Variants in AGAP1 observed in about 807,000 individuals in gnomAD.
AGAP1 encodes the protein ArfGAP with GTPase domain, ankyrin repeat and PH domain 1, also known as arf-GAP with GTPase, ANK repeat and PH domain-containing protein 1.
AGAP1 carries 29 observed loss-of-function variants against 105.3 expected under a neutral mutation model. The ratio of observed to expected loss-of-function variants is 0.28; its 90% CI spans 0.21 to 0.38. The LOEUF (loss-of-function observed/expected upper bound fraction) is 0.38. AGAP1 is among the 10% of genes least tolerant of loss of function. The pLI is 1.00. For synonymous variants in AGAP1, 509 were observed against 485.9 expected, an observed-to-expected ratio of 1.05 and a Z score of -0.63; for missense variants, 998 against 1,165.1, an observed-to-expected ratio of 0.86 and a Z score of 2.09.
intron 6 of AGAP1, among the ~76,000 whole-genome samples, chr2:235,785,957 G>A (rs1004070955): frequency 6.6e-6 from 1 of 152,194 alleles, no homozygotes; most frequent in Non-Finnish European, 1.5e-5. Context: ...GCCTGGCGTG[G>A]AAGAGTGTTG....
intron 1 of AGAP1, among the ~76,000 whole-genome samples, chr2:235,651,383 C>G (rs1947588351): frequency 6.6e-6 from 1 of 151,802 alleles, no homozygotes; most frequent in South Asian, 2.1e-4. Flanking sequence ...TTGACATACT[C>G]CAGTCCTCAT....
intron 9 of AGAP1, among the ~76,000 whole-genome samples, chr2:235,844,301 G>A (rs1169706279): frequency 1.3e-5 from 2 of 152,168 alleles, no homozygotes; most frequent in Non-Finnish European, 2.9e-5. Flanking sequence ...TTTGGAGGGG[G>A]CAAGGGTCTG....
chr2:236,071,176 T>C (rs2058485549), intron 16 of AGAP1, among the ~76,000 whole-genome samples: 1 of 152,230 alleles, frequency 6.6e-6, no homozygotes, highest in Non-Finnish European at 1.5e-5. Context: ...ATCAGTGGCC[T>C]TAGCCCCGAA....
intron 12 of AGAP1, among the ~76,000 whole-genome samples, chr2:235,952,789 A>G (rs533163026): frequency 6.6e-6 from 1 of 152,028 alleles, no homozygotes; most frequent in Middle Eastern, 3.2e-3. Context: ...GAGCCTCACC[A>G]TCCTGGTGGT....
intron 16 of AGAP1, among the ~76,000 whole-genome samples, chr2:236,060,157 A>G (rs1189447611): frequency 1.3e-5 from 2 of 152,248 alleles, no homozygotes; most frequent in Non-Finnish European, 2.9e-5. Flanking sequence ...AACTGAAACT[A>G]TAAAACTTTT....
In AGAP1 at chr2:235,660,188, T is replaced by C. The variant is rs1217569581; in HGVS notation, c.164-48991T>C. Among the ~76,000 whole-genome samples the C allele has an allele frequency of 1.3e-5, 2 of 152,078 alleles. No homozygotes were observed. The highest frequency in any genetic ancestry group is 4.8e-5 in the African/African-American group (2 of 41,418). Reference sequence around the variant, plus strand: ...ACCCAAGATCAGCTGCGGCTGAGGATTTTTGTGGCTAGGGGAAGAAGTGAA... The same window carrying C: ...ACCCAAGATCAGCTGCGGCTGAGGACTTTTGTGGCTAGGGGAAGAAGTGAA... On this transcript the variant is annotated intron_variant, in intron 1 of 17. Transcript: ENST00000304032. This position sits in a 1 kb window ranked among gnomAD's most constrained non-coding sequence, Gnocchi z 5.3.
intron 1 of AGAP1, among the ~76,000 whole-genome samples, chr2:235,525,495 A>C (rs1482238114): frequency 1.3e-5 from 2 of 151,022 alleles, no homozygotes; most frequent in Non-Finnish European, 2.9e-5. Flanking sequence ...TGGAGGACTG[A>C]TACATAATGT....
intron 6 of AGAP1, chr2:235,774,333 G>GGT (rs1287851462): frequency 6.4e-6 from 3 of 470,384 alleles, no homozygotes; most frequent in South Asian, 4.7e-5. Context: ...GGAAGATAGA[G>GGT]GTGCTGCTGC....
chr2:235,591,012 C>T (rs1229521357), intron 1 of AGAP1, among the ~76,000 whole-genome samples: 1 of 149,920 alleles, frequency 6.7e-6, no homozygotes, highest in Non-Finnish European at 1.5e-5. Flanking sequence ...TGAGCCACCG[C>T]CCGGCCTATA....
At chr2:236,010,179 A>AT (rs2056462178) in intron 13 of AGAP1, among the ~76,000 whole-genome samples, 1 of 152,194 alleles carries the variant, frequency 6.6e-6, no homozygotes, top group South Asian at 2.1e-4. Flanking sequence ...CAAAATAAAA[A>AT]TTTAAGTTCC....
chr2:235,830,986 C>T lies in AGAP1; in HGVS notation c.1050+23655C>T, dbSNP rs957776068. Among the ~76,000 whole-genome samples, 36 of 152,096 alleles carry T rather than the reference C, an allele frequency of 2.4e-4. No individual in the cohort carries two copies. The highest frequency in any genetic ancestry group is 7.7e-4 in the African/African-American group (32 of 41,474). ...CTCACCTGTGTGTCGCAGGTGTAGG[C>T]GATACCTGGGAAGCCGTTGTACGGG... On this transcript the variant is annotated intron_variant, in intron 9 of 17. Coordinates refer to ENST00000304032, the MANE Select transcript of AGAP1 (RefSeq NM_001037131.3). This position sits in a 1 kb window ranked among gnomAD's most constrained non-coding sequence, Gnocchi z 5.5.
Position 235,630,729 on chromosome 2 carries a change from G to A in AGAP1, c.164-78450G>A, listed in dbSNP as rs184455774. Among the ~76,000 whole-genome samples the A allele has an allele frequency of 2.3e-3, 345 of 152,266 alleles. 1 individual carries two copies. The highest frequency in any genetic ancestry group is 4.0e-3 in the Non-Finnish European group (272 of 68,034). ...CCTTCTCTGCCCTGGTGTGCCCCTC[G>A]GCTCGCCACTGGCTTAGGTGCAGGT... On this transcript the variant is annotated intron_variant, in intron 1 of 17. Transcript: ENST00000304032.
At position 236,056,055 on chromosome 2, in the gene AGAP1, T is replaced by G. The variant is rs2058043454; in HGVS notation, c.2114+6774T>G. Among the ~76,000 whole-genome samples, 1 of 152,230 alleles carries G rather than the reference T, an allele frequency of 6.6e-6. No individual in the cohort carries two copies. On this transcript the variant is annotated intron_variant, in intron 16 of 17. Coordinates refer to ENST00000304032, the MANE Select transcript of AGAP1 (RefSeq NM_001037131.3). The surrounding 1 kb of genome is among the most constrained non-coding windows in gnomAD (Gnocchi z 4.6). Reference sequence around the variant, plus strand: ...ACAACAGATAGAGCAATGCATCTAGTGAACCTCCACCAGGGAGCTTGGTGG... The same window carrying G: ...ACAACAGATAGAGCAATGCATCTAGGGAACCTCCACCAGGGAGCTTGGTGG...
Position 236,087,181 on chromosome 2 carries a change from G to T in AGAP1, c.2115-33011G>T, listed in dbSNP as rs2058951496. Among the ~76,000 whole-genome samples the T allele has an allele frequency of 6.6e-6, 1 of 152,140 alleles. No homozygotes were observed. Among genetic ancestry groups the T allele is most frequent in the Non-Finnish European group, 1.5e-5 (1 of 68,036 alleles). On this transcript the variant is annotated intron_variant, in intron 16 of 17. Transcript: ENST00000304032. The surrounding 1 kb of genome is among the most constrained non-coding windows in gnomAD (Gnocchi z 5.7). ...CTGGGAATCCAATAAATTGTTTCAG[G>T]AAGTGAAAGTCTGTCCAGGCTAATG... is the stretch of plus-strand genomic sequence containing the variant.
In AGAP1 at chr2:235,931,331, A is replaced by G. The variant is rs1229573234; in HGVS notation, c.1483+408A>G. ...CCACCACTAGTGCACATTTTATATC[A>G]TTAGGGTGAATTCAGTCTCCTTGTC... is the stretch of plus-strand genomic sequence containing the variant. On this transcript the variant is annotated intron_variant, in intron 12 of 17. Coordinates refer to ENST00000304032, the MANE Select transcript of AGAP1 (RefSeq NM_001037131.3). This position sits in a 1 kb window ranked among gnomAD's most constrained non-coding sequence, Gnocchi z 5.6. Among the ~76,000 whole-genome samples the G allele has an allele frequency of 6.6e-6, 1 of 151,956 alleles. No homozygotes were observed.
rs146120613 is a variant in AGAP1 at position 235,830,249 on chromosome 2, C to T, written c.1050+22918C>T. Among the ~76,000 whole-genome samples the T allele has an allele frequency of 6.9e-4, 105 of 152,234 alleles. 1 individual carries two copies. The East Asian group carries it at 0.016, about 24-fold the overall frequency. ...CACCAGTGGGCCAGGCTACAGTCAC[C>T]GTTTGAGTGCCCGTGGAGGATTGGT... On this transcript the variant is annotated intron_variant, in intron 9 of 17. Coordinates refer to ENST00000304032, the MANE Select transcript of AGAP1 (RefSeq NM_001037131.3). The surrounding 1 kb of genome is among the most constrained non-coding windows in gnomAD (Gnocchi z 5.5).
Position 235,712,788 on chromosome 2 carries a change from C to T in AGAP1, c.222+3551C>T, listed in dbSNP as rs1252595218. 6.6e-6 allele frequency among the ~76,000 whole-genome samples: 1 copy of T among 152,230 alleles called. No homozygotes were observed. Among genetic ancestry groups the T allele is most frequent in the South Asian group, 2.1e-4 (1 of 4,830 alleles). On this transcript the variant is annotated intron_variant, in intron 2 of 17. Coordinates refer to ENST00000304032, the MANE Select transcript of AGAP1 (RefSeq NM_001037131.3). The surrounding 1 kb of genome is among the most constrained non-coding windows in gnomAD (Gnocchi z 6.0). ...ATTTTCAAGACACCTCATTCCTCCT[C>T]ATGTAGCTCTTTGGCTCGCTCTGGA...
chr2:236,100,785 G>A lies in AGAP1; in HGVS notation c.2115-19407G>A, dbSNP rs986454721. Among the ~76,000 whole-genome samples the A allele has an allele frequency of 2.6e-5, 4 of 151,194 alleles. No homozygotes were observed. The South Asian group carries it at 6.3e-4, about 24-fold the overall frequency. ...GCGGAGGCTGCAGTGAGCCGAGATC[G>A]TGTCACTGCACTCCACCCTGGGCAA... On this transcript the variant is annotated intron_variant, in intron 16 of 17. Transcript: ENST00000304032.
intron 12 of AGAP1, among the ~76,000 whole-genome samples, chr2:235,952,173 A>G (rs912937813): frequency 6.6e-6 from 1 of 152,136 alleles, no homozygotes; most frequent in Non-Finnish European, 1.5e-5. Context: ...AGAGACATGA[A>G]TGGGCTGATA....
Sources: allele counts gnomAD v4.1 joint callset (sites outside exome capture counted in the v4.1 genomes callset), GRCh38; gene constraint gnomAD v4.1.1; non-coding constraint Gnocchi (gnomAD v3.1); transcripts MANE v1.5; gene names NCBI Gene and HGNC (gene_info 2026-07-23, HGNC 2026-07-21).